The following CPQ variants were observed in gnomAD, a reference collection of about 807,000 sequenced individuals.
CPQ encodes Ser-Met dipeptidase.
In CPQ, 37 loss-of-function variants were observed where a neutral mutation model predicts 45.7. The observed-to-expected ratio is 0.81, with a 90% confidence interval of 0.62 to 1.07. The LOEUF (loss-of-function observed/expected upper bound fraction) is 1.07. Among genes scored for constraint, CPQ ranks in the 50% least tolerant of loss-of-function variants. The pLI, the probability that CPQ is intolerant of heterozygous loss-of-function variation, is 0.00. For synonymous variants in CPQ, 186 were observed against 205.8 expected, an observed-to-expected ratio of 0.90 and a Z score of 0.82; for missense variants, 537 against 572.9, an observed-to-expected ratio of 0.94 and a Z score of 0.64.
intron 2 of CPQ, among the ~76,000 whole-genome samples, chr8:96,825,593 T>C (rs1314351023): frequency 1.3e-5 from 2 of 152,080 alleles, no homozygotes; most frequent in Admixed American, 1.3e-4. Flanking sequence ...GCCAATGAAC[T>C]TTCATAAAAT....
intron 3 of CPQ, among the ~76,000 whole-genome samples, chr8:96,841,142 G>C (rs1207835533): frequency 6.6e-6 from 1 of 152,130 alleles, no homozygotes; most frequent in Non-Finnish European, 1.5e-5. Context: ...GAAATGTAGG[G>C]GTCGGGAGAG....
At chr8:97,023,297 GAC>G (rs2130459962) in intron 5 of CPQ, among the ~76,000 whole-genome samples, 2 of 151,976 alleles carry the variant, frequency 1.3e-5, no homozygotes, top group South Asian at 4.2e-4. Context: ...GCATAAGAAA[GAC>G]ACAATGGACT....
intron 1 of CPQ, among the ~76,000 whole-genome samples, chr8:96,651,092 C>A (rs1815571556): frequency 6.6e-6 from 1 of 152,154 alleles, no homozygotes; most frequent in African/African-American, 2.4e-5. Context: ...GAGCTGGATC[C>A]TCTAATTGTT....
intron 3 of CPQ, among the ~76,000 whole-genome samples, chr8:96,855,847 G>A (rs115708648): frequency 0.016 from 2,431 of 152,336 alleles, 63 homozygotes; most frequent in African/African-American, 0.053. Context: ...AGATACACCC[G>A]TTAGGGAAGA....
intron 7 of CPQ, among the ~76,000 whole-genome samples, chr8:97,104,654 C>T (rs1811374184): frequency 6.6e-6 from 1 of 152,168 alleles, no homozygotes; most frequent in South Asian, 2.1e-4. Context: ...TTATTTTTAG[C>T]TCCTCTGACC....
intron 5 of CPQ, among the ~76,000 whole-genome samples, chr8:96,993,616 A>T (rs1586484653): frequency 6.6e-6 from 1 of 152,144 alleles, no homozygotes; most frequent in South Asian, 2.1e-4. Flanking sequence ...AATATCTATC[A>T]GTAGGTAGAT....
chr8:96,907,226 CTT>C (rs1376208122), intron 4 of CPQ, among the ~76,000 whole-genome samples: 1 of 152,136 alleles, frequency 6.6e-6, no homozygotes, highest in African/African-American at 2.4e-5. Flanking sequence ...TGATGAGTAA[CTT>C]TGCTCTGCAT....
chr8:96,681,067 T>C (rs1359435587), intron 1 of CPQ, among the ~76,000 whole-genome samples: 3 of 152,134 alleles, frequency 2.0e-5, no homozygotes, highest in Admixed American at 1.3e-4. Flanking sequence ...AAACAGAGCA[T>C]AAAAGTTTGG....
chr8:97,047,694 G>C (rs930467703), intron 6 of CPQ, among the ~76,000 whole-genome samples: 2 of 152,134 alleles, frequency 1.3e-5, no homozygotes, highest in Non-Finnish European at 2.9e-5. Context: ...TTTTCCTTTA[G>C]TTTGGGGCAT....
intron 7 of CPQ, among the ~76,000 whole-genome samples, chr8:97,138,920 G>A (rs1812107469): frequency 6.7e-6 from 1 of 150,198 alleles, no homozygotes. Context: ...TGAGAGAAGG[G>A]AAAAAAATCA....
chr8:96,875,831 A>T (rs1166617817), intron 3 of CPQ, among the ~76,000 whole-genome samples: 2 of 151,828 alleles, frequency 1.3e-5, no homozygotes, highest in Admixed American at 1.3e-4. Context: ...TTCTTTTTTT[A>T]AAAAAAGCAG....
intron 7 of CPQ, among the ~76,000 whole-genome samples, chr8:97,079,955 A>G (rs1039431067): frequency 5.5e-4 from 84 of 152,268 alleles, no homozygotes; most frequent in Middle Eastern, 3.4e-3. Flanking sequence ...AGGATTCAGG[A>G]CAGCTAGAAA....
intron 1 of CPQ, among the ~76,000 whole-genome samples, chr8:96,687,275 C>G (rs183384977): frequency 3.6e-4 from 55 of 151,240 alleles, no homozygotes; most frequent in African/African-American, 1.3e-3. Flanking sequence ...TGCAATGGTG[C>G]AATCTTAGCT....
intron 7 of CPQ, among the ~76,000 whole-genome samples, chr8:97,121,156 G>A (rs1052572932): frequency 2.0e-5 from 3 of 152,198 alleles, no homozygotes; most frequent in African/African-American, 7.2e-5. Flanking sequence ...ACTGTCAGGT[G>A]CTGAAATGTA....
chr8:96,785,210 C>G lies in CPQ; in HGVS notation c.313C>G (p.Leu105Val). The change falls in exon 2 of 8, where the codon CTG becomes GTG. Residue 105 changes from leucine (L) to valine (V), a missense_variant. Leu to Val is a conservative substitution (Grantham distance 32, BLOSUM62 1). Transcript: ENST00000220763. ...LQQDGLEKVH[L>V]EPVRIPHWER... ...GCAAGATGGGCTGGAGAAAGTTCAC[C>G]TGGAGCCAGTGAGAATACCCCACTG... 6.2e-7 allele frequency: 1 copy of G among 1,613,596 alleles called. No individual in the cohort carries two copies. Among genetic ancestry groups the G allele is most frequent in the South Asian group, 1.1e-5 (1 of 91,076 alleles).
chr8:96,663,685 T>A (rs1415338421), intron 1 of CPQ, among the ~76,000 whole-genome samples: 1 of 152,218 alleles, frequency 6.6e-6, no homozygotes, highest in African/African-American at 2.4e-5. Context: ...TGTGTTTATA[T>A]ACTTCTAAGG....
chr8:97,075,767 T>A lies in CPQ; in HGVS notation c.1255+9557T>A, dbSNP rs536297959. Among the ~76,000 whole-genome samples, 563 of 152,256 alleles carry A rather than the reference T, an allele frequency of 3.7e-3. 1 individual carries two copies. Among genetic ancestry groups the A allele is most frequent in the African/African-American group, 0.012 (516 of 41,562 alleles). On this transcript the variant is annotated intron_variant, in intron 7 of 7. Coordinates refer to ENST00000220763, the MANE Select transcript of CPQ (RefSeq NM_016134.4). ...GAAGTGATTTTAAAGTGTGATTTTTTAAAAATGCTATTACCAAAACTTTCA... is the reference window on the plus strand; with the variant it reads ...GAAGTGATTTTAAAGTGTGATTTTTAAAAAATGCTATTACCAAAACTTTCA...
At chr8:96,796,345 A>G (rs1810928486) in intron 2 of CPQ, among the ~76,000 whole-genome samples, 1 of 152,142 alleles carries the variant, frequency 6.6e-6, no homozygotes, top group African/African-American at 2.4e-5. Context: ...CTGGTGCTTT[A>G]ATGATATTCT....
chr8:97,129,812 G>A (rs1811912238), intron 7 of CPQ, among the ~76,000 whole-genome samples: 1 of 151,908 alleles, frequency 6.6e-6, no homozygotes, highest in African/African-American at 2.4e-5. Flanking sequence ...TAGATTGAAA[G>A]TTCCGTGAGA....
Sources: allele counts gnomAD v4.1 joint callset (sites outside exome capture counted in the v4.1 genomes callset), GRCh38; gene constraint gnomAD v4.1.1; transcripts MANE v1.5; gene names NCBI Gene and HGNC (gene_info 2026-07-23, HGNC 2026-07-21).